The following DLGAP2 variants were observed in gnomAD, a reference collection of about 807,000 sequenced individuals.
DLGAP2 encodes the protein disks large-associated protein 2.
In DLGAP2, 26 loss-of-function variants were observed where a neutral mutation model predicts 100.3. The ratio of observed to expected loss-of-function variants is 0.26; its 90% CI spans 0.19 to 0.36. DLGAP2 has a LOEUF of 0.36. DLGAP2 is among the 10% of genes least tolerant of loss of function. DLGAP2 has a pLI of 1.00. For synonymous variants in DLGAP2, 886 were observed against 630.1 expected, an observed-to-expected ratio of 1.41 and a Z score of -6.08; for missense variants, 1,858 against 1,453.2, an observed-to-expected ratio of 1.28 and a Z score of -4.53.
chr8:1,621,001 T>C (rs1317338679), intron 6 of DLGAP2: 1 of 152,324 alleles, frequency 6.6e-6, no homozygotes, highest in Non-Finnish European at 1.5e-5. Flanking sequence ...GCACACACTC[T>C]ACATTTCCTT....
At chr8:1,164,447 G>C (rs1373407976) in intron 2 of DLGAP2, among the ~76,000 whole-genome samples, 3 of 150,318 alleles carry the variant, frequency 2.0e-5, no homozygotes, top group Non-Finnish European at 4.4e-5. Context: ...TGAAAGTCTG[G>C]AGGCGATGGC....
At chr8:1,039,885 G>T (rs1802269822) in intron 2 of DLGAP2, among the ~76,000 whole-genome samples, 1 of 148,576 alleles carries the variant, frequency 6.7e-6, no homozygotes, top group African/African-American at 2.5e-5. Context: ...TGCATGGTCG[G>T]CTCGGTATGC....
rs528849448 is a variant in DLGAP2 at position 1,459,915 on chromosome 8, A to G, written c.107-41451A>G. On this transcript the variant is annotated intron_variant, in intron 3 of 14. Transcript: ENST00000637795. The stretch of plus-strand genomic sequence containing the variant: ...TGGTCAGGCTGGTCTCAAACTCCTG[A>G]TCTCAAGTGATCCACCCACCTCAGC... 2.0e-5 allele frequency among the ~76,000 whole-genome samples: 3 copies of G among 152,150 alleles called. No individual in the cohort carries two copies. The South Asian group carries it at 6.2e-4, about 32-fold the overall frequency.
At chr8:1,273,979 C>G (rs1270820006) in intron 3 of DLGAP2, among the ~76,000 whole-genome samples, 3 of 152,106 alleles carry the variant, frequency 2.0e-5, no homozygotes, top group African/African-American at 7.2e-5. Context: ...AGTTCCAAAC[C>G]TGAGTCATTC....
chr8:890,427 G>A (rs1338148766), intron 1 of DLGAP2, among the ~76,000 whole-genome samples: 2 of 151,994 alleles, frequency 1.3e-5, no homozygotes, highest in Non-Finnish European at 2.9e-5. Flanking sequence ...AATATAGTTC[G>A]GGAATTGCCT....
At chr8:1,252,102 C>T (rs1158325288) in intron 2 of DLGAP2, among the ~76,000 whole-genome samples, 17 of 143,486 alleles carry the variant, frequency 1.2e-4, no homozygotes, top group East Asian at 4.0e-4. Flanking sequence ...TCCTGGGTCA[C>T]GGTGTCAAAG....
chr8:1,129,182 G>C (rs140842781), intron 2 of DLGAP2, among the ~76,000 whole-genome samples: 2,221 of 152,208 alleles, frequency 0.015, 51 homozygotes, highest in African/African-American at 0.051. Flanking sequence ...AAGGTGGGTG[G>C]ATCACAAGGT....
chr8:1,258,801 A>G lies in DLGAP2; in HGVS notation c.74-50A>G, dbSNP rs374969055. On this transcript the variant is annotated intron_variant, in intron 2 of 14. Coordinates refer to ENST00000637795, the MANE Select transcript of DLGAP2 (RefSeq NM_001346810.2). ...GCTGATGTTGAATCTTTTTAACTGC[A>G]TGGTTGAGACCCTGTGGGTGTAACA... 6 of 1,229,268 alleles carry G rather than the reference A, an allele frequency of 4.9e-6. No homozygotes were observed. The African/African-American group carries it at 7.8e-5, about 16-fold the overall frequency. 76.1% of individuals were successfully genotyped at this position (1,229,268 alleles called of 1,614,324 possible). A position where few individuals can be genotyped will look rare whatever the true frequency, so the allele number is the denominator to read the frequency against.
chr8:886,804 A>G (rs1171376472), intron 1 of DLGAP2, among the ~76,000 whole-genome samples: 1 of 152,210 alleles, frequency 6.6e-6, no homozygotes, highest in Admixed American at 6.5e-5. Context: ...GGCTGATTTC[A>G]TAATAGTTGC....
At chr8:1,192,043 C>T (rs769841159) in intron 2 of DLGAP2, among the ~76,000 whole-genome samples, 18 of 152,174 alleles carry the variant, frequency 1.2e-4, no homozygotes, top group African/African-American at 4.1e-4. Flanking sequence ...CATTCGTAGC[C>T]GCTGCCAGCC....
chr8:1,641,675 C>T (rs1019662911), intron 8 of DLGAP2, among the ~76,000 whole-genome samples: 1 of 152,072 alleles, frequency 6.6e-6, no homozygotes, highest in Non-Finnish European at 1.5e-5. Flanking sequence ...TGAGGACTTC[C>T]ACATTGTTGT....
chr8:921,893 G>A lies in DLGAP2; in HGVS notation c.73+13927G>A, dbSNP rs146624270. Among the ~76,000 whole-genome samples the A allele has an allele frequency of 3.2e-3, 491 of 152,306 alleles. 4 individuals are homozygous for A. Among genetic ancestry groups the A allele is most frequent in the African/African-American group, 0.01 (427 of 41,536 alleles). ...GAACGTGCATCTTCCAGTGGACGGC[G>A]AGACGTTCGGGCAGAAGAACTGGAC... is the stretch of plus-strand genomic sequence containing the variant. On this transcript the variant is annotated intron_variant, in intron 2 of 14. Transcript: ENST00000637795.
At chr8:859,432 G>C (rs1797347744) in intron 1 of DLGAP2, among the ~76,000 whole-genome samples, 2 of 152,108 alleles carry the variant, frequency 1.3e-5, no homozygotes, top group African/African-American at 4.8e-5. Flanking sequence ...CTTCTAATTG[G>C]AGTTTAGGTG....
chr8:1,656,367 G>C (rs1056872602), intron 8 of DLGAP2, among the ~76,000 whole-genome samples: 3 of 151,898 alleles, frequency 2.0e-5, no homozygotes, highest in Admixed American at 2.0e-4. Context: ...TATTGGTCAG[G>C]GCAGTCTAGA....
At chr8:849,587 G>A (rs1168581352) in intron 1 of DLGAP2, among the ~76,000 whole-genome samples, 2 of 152,164 alleles carry the variant, frequency 1.3e-5, no homozygotes, top group African/African-American at 4.8e-5. Context: ...GAAGGTTCCA[G>A]CGGTGCAACA....
At chr8:778,195 A>G (rs992619239) in intron 1 of DLGAP2, among the ~76,000 whole-genome samples, 5 of 152,060 alleles carry the variant, frequency 3.3e-5, no homozygotes, top group Admixed American at 6.6e-5. Flanking sequence ...TTTCAGCTCC[A>G]TCAGCTCCTT....
chr8:1,260,182 A>C (rs1485126511), intron 3 of DLGAP2, among the ~76,000 whole-genome samples: 1 of 151,994 alleles, frequency 6.6e-6, no homozygotes, highest in Non-Finnish European at 1.5e-5. Context: ...AGGATGATGA[A>C]ATTCTGCAGC....
intron 2 of DLGAP2, among the ~76,000 whole-genome samples, chr8:1,093,240 C>G (rs1290881304): frequency 6.6e-6 from 1 of 152,032 alleles, no homozygotes; most frequent in Non-Finnish European, 1.5e-5. Flanking sequence ...CAGACAGAAA[C>G]ACCTTCACAC....
At chr8:1,195,935 C>T (rs1230140073) in intron 2 of DLGAP2, among the ~76,000 whole-genome samples, 3 of 152,190 alleles carry the variant, frequency 2.0e-5, no homozygotes, top group Non-Finnish European at 4.4e-5. Flanking sequence ...TATTTTGTTT[C>T]AACTTAATTA....
Sources: allele counts gnomAD v4.1 joint callset (sites outside exome capture counted in the v4.1 genomes callset), GRCh38; gene constraint gnomAD v4.1.1; transcripts MANE v1.5; gene names NCBI Gene and HGNC (gene_info 2026-07-23, HGNC 2026-07-21).